The following TP53BP2 variants were observed in gnomAD, a reference collection of about 807,000 sequenced individuals.
TP53BP2 encodes the protein apoptosis-stimulating of p53 protein 2.
TP53BP2 carries 62 observed loss-of-function variants against 126.2 expected under a neutral mutation model. The ratio of observed to expected loss-of-function variants is 0.49; its 90% CI spans 0.40 to 0.61. The LOEUF (loss-of-function observed/expected upper bound fraction) is 0.61, where lower values mean the gene tolerates loss of function less well. TP53BP2 is among the 20% of genes least tolerant of loss of function. The pLI is 0.00. For missense variants in TP53BP2, 1,215 were observed against 1,402.8 expected (o/e 0.87, Z 2.14); for synonymous variants, 485 against 502.9 (o/e 0.96, Z 0.48).
chr1:223,789,104 C>CGG lies in TP53BP2; in HGVS notation c.3065_3066dup (p.Ala1023ProfsTer6). 1 of 1,614,140 alleles carries CGG rather than the reference C, an allele frequency of 6.2e-7. No homozygotes were observed. The highest frequency in any genetic ancestry group is 8.5e-7 in the Non-Finnish European group (1 of 1,180,002). On this transcript the variant is annotated frameshift_variant, in exon 16 of 18. Coordinates refer to ENST00000343537, the MANE Select transcript of TP53BP2 (RefSeq NM_001031685.3). LOFTEE classifies it high-confidence loss of function. ...TCACTGTAGGTCATGGCAAACACAG[C>CGG]GGCTCCTGACTCCACCAAAAACTTA...
chr1:223,802,684 C>A, intron 8 of TP53BP2, 47 bp downstream of exon 8: 2 of 1,605,682 alleles, frequency 1.2e-6, no homozygotes, highest in South Asian at 2.2e-5. Flanking sequence ...CTGGGCTGGT[C>A]ATCTTTTTCC....
At chr1:223,788,780 ATGC>A (rs1662055424) in intron 16 of TP53BP2, among the ~76,000 whole-genome samples, 1 of 152,154 alleles carries the variant, frequency 6.6e-6, no homozygotes, top group African/African-American at 2.4e-5. Context: ...ACTAGGTCAG[ATGC>A]TGCAACACTG....
intron 1 of TP53BP2, among the ~76,000 whole-genome samples, chr1:223,838,536 G>A (rs1327345354): frequency 3.3e-5 from 5 of 152,120 alleles, no homozygotes; most frequent in African/African-American, 1.2e-4. Flanking sequence ...TGCACCATTC[G>A]AGCAACTGGA....
chr1:223,796,091 T>C lies in TP53BP2; in HGVS notation c.2448A>G (p.Pro816=), dbSNP rs1157192269. ...VVSLVPESLS[P]EDVGNASTEN... ...CTGTACTGGCATTCCCCACATCCTCTGGGGACAATGATTCAGGAACCAGAG... is the reference window on the plus strand; with the variant it reads ...CTGTACTGGCATTCCCCACATCCTCCGGGGACAATGATTCAGGAACCAGAG... Residue 816 remains proline (P), a synonymous_variant, in exon 13 of 18, where the codon CCA becomes CCG. Coordinates refer to ENST00000343537, the MANE Select transcript of TP53BP2 (RefSeq NM_001031685.3). The surrounding 1 kb of genome is among the most constrained non-coding windows in gnomAD (Gnocchi z 4.2). 3.7e-6 allele frequency: 6 copies of C among 1,614,192 alleles called. No homozygotes were observed. The highest frequency in any genetic ancestry group is 5.1e-6 in the Non-Finnish European group (6 of 1,180,040).
In TP53BP2 at chr1:223,796,281, G is replaced by A; in HGVS notation, c.2258C>T (p.Pro753Leu). ...SITEPEGPNG[P>L]NIQKLLYQRT... ...CTGATATAAAAGCTTCTGAATATTT[G>A]GCCCATTAGGACCCTCTGGCTCTGT... is the stretch of plus-strand genomic sequence containing the variant. Residue 753 changes from proline (P) to leucine (L), a missense_variant, in exon 13 of 18, where the codon CCA becomes CTA. Transcript: ENST00000343537. This position sits in a 1 kb window ranked among gnomAD's most constrained non-coding sequence, Gnocchi z 4.2. 1 of 1,614,032 alleles carries A rather than the reference G, an allele frequency of 6.2e-7. No homozygotes were observed. The highest frequency in any genetic ancestry group is 8.5e-7 in the Non-Finnish European group (1 of 1,179,978).
intron 2 of TP53BP2, among the ~76,000 whole-genome samples, chr1:223,815,957 T>C (rs1178181546): frequency 1.3e-5 from 2 of 152,216 alleles, no homozygotes; most frequent in African/African-American, 4.8e-5. Context: ...GTACGCTCTA[T>C]GATGTTCACA....
At chr1:223,837,400 T>C (rs1663959062) in intron 1 of TP53BP2, among the ~76,000 whole-genome samples, 1 of 152,192 alleles carries the variant, frequency 6.6e-6, no homozygotes, top group East Asian at 1.9e-4. Context: ...AAAAGTATGG[T>C]TTCTCTTTAG....
intron 15 of TP53BP2, among the ~76,000 whole-genome samples, chr1:223,790,563 A>C (rs1353542538): frequency 6.6e-6 from 1 of 151,996 alleles, no homozygotes; most frequent in African/African-American, 2.4e-5. Flanking sequence ...ACTCAAAAAA[A>C]ACAAAAAAAG....
intron 1 of TP53BP2, among the ~76,000 whole-genome samples, chr1:223,837,061 A>G (rs1383694848): frequency 6.6e-6 from 1 of 150,758 alleles, no homozygotes; most frequent in Non-Finnish European, 1.5e-5. Context: ...AGACCGTTCT[A>G]GAATTAAAGT....
chr1:223,787,204 A>AT (rs1269138216), intron 16 of TP53BP2, among the ~76,000 whole-genome samples: 1 of 152,116 alleles, frequency 6.6e-6, no homozygotes, highest in African/African-American at 2.4e-5. Flanking sequence ...CCAACACATT[A>AT]TACCGGTTAA....
At chr1:223,801,236 G>T (rs1662515474) in intron 9 of TP53BP2, among the ~76,000 whole-genome samples, 1 of 152,082 alleles carries the variant, frequency 6.6e-6, no homozygotes. Flanking sequence ...AGTATATTCA[G>T]GTTTTTTTCT....
intron 4 of TP53BP2, among the ~76,000 whole-genome samples, chr1:223,809,914 C>T (rs1441801456): frequency 6.6e-6 from 1 of 152,078 alleles, no homozygotes; most frequent in East Asian, 1.9e-4. Flanking sequence ...GCAATCTCTG[C>T]CTCCCGGGTT....
chr1:223,803,214 G>C (rs377560451), intron 7 of TP53BP2, 57 bp downstream of exon 7: 1 of 1,533,710 alleles, frequency 6.5e-7, no homozygotes. Context: ...ACTTATATGA[G>C]CAACTCTGTT....
chr1:223,804,468 T>C lies in TP53BP2; in HGVS notation c.475-120A>G, dbSNP rs1042135669. ...AGGTACACTTGTAACCCTGGTCTGG[T>C]CTCACCTTCTTCCTAAACACTGCCA... On this transcript the variant is annotated intron_variant, in intron 5 of 17. Transcript: ENST00000343537. 7 of 874,014 alleles carry C rather than the reference T, an allele frequency of 8.0e-6. No homozygotes were observed. The Admixed American group carries it at 1.8e-4, about 23-fold the overall frequency. The allele number at this position is 874,014 out of a possible 1,614,324, so 54.1% of individuals were successfully genotyped here. A position where few individuals can be genotyped will look rare whatever the true frequency, so the allele number is the denominator to read the frequency against.
rs533172757 is a variant in TP53BP2 at position 223,784,019 on chromosome 1, G to A, written c.3363+96C>T. 104 of 1,024,568 alleles carry A rather than the reference G, an allele frequency of 1.0e-4. No homozygotes were observed. The South Asian group carries it at 1.3e-3, about 13-fold the overall frequency. The allele number at this position is 1,024,568 out of a possible 1,614,324, so 63.5% of individuals were successfully genotyped here. ...TTAAATTCCATGTCTTATTAACAAA[G>A]GGCAGTTTGGTGCACTGTACACATA... On this transcript the variant is annotated intron_variant, in intron 17 of 17. Coordinates refer to ENST00000343537, the MANE Select transcript of TP53BP2 (RefSeq NM_001031685.3).
intron 12 of TP53BP2, 66 bp downstream of exon 12, chr1:223,798,149 C>T (rs1444876670): frequency 6.8e-7 from 1 of 1,468,704 alleles, no homozygotes; most frequent in African/African-American, 1.4e-5. Context: ...TTGCTGTCTG[C>T]TGAGGGATGG....
At chr1:223,835,675 A>C (rs967457949) in intron 1 of TP53BP2, among the ~76,000 whole-genome samples, 2 of 152,196 alleles carry the variant, frequency 1.3e-5, no homozygotes, top group Admixed American at 6.5e-5. Context: ...TCACCAAAGA[A>C]AATCCAAAAT....
intron 2 of TP53BP2, among the ~76,000 whole-genome samples, chr1:223,818,809 A>T (rs893753459): frequency 1.1e-4 from 16 of 150,998 alleles, no homozygotes; most frequent in Admixed American, 1.3e-4. Flanking sequence ...AAACTCCTAA[A>T]CTCAGGTGAT....
intron 15 of TP53BP2, among the ~76,000 whole-genome samples, chr1:223,792,037 T>C (rs971510496): frequency 3.9e-5 from 6 of 152,216 alleles, no homozygotes; most frequent in African/African-American, 1.4e-4. Flanking sequence ...CATTAATATA[T>C]TGAAGACTGA....
Sources: allele counts gnomAD v4.1 joint callset (sites outside exome capture counted in the v4.1 genomes callset), GRCh38; gene constraint gnomAD v4.1.1; non-coding constraint Gnocchi (gnomAD v3.1); transcripts MANE v1.5; gene names NCBI Gene and HGNC (gene_info 2026-07-23, HGNC 2026-07-21).